HPGDS: variants seen among roughly 807,000 people sequenced by gnomAD.
The protein encoded by HPGDS is hematopoietic prostaglandin D synthase.
A neutral mutation model predicts 23.1 loss-of-function variants in HPGDS; 26 were observed. The observed-to-expected ratio is 1.13, with a 90% CI of 0.83 to 1.56. HPGDS has a LOEUF of 1.56. HPGDS is among the 40% of genes most tolerant of loss of function. HPGDS has a pLI of 0.00. For missense variants in HPGDS, 268 were observed against 236.4 expected (o/e 1.13, Z -0.88); for synonymous variants, 95 against 77.9 (o/e 1.22, Z -1.16).
At chr4:94,306,589 T>C (rs1756142854) in intron 4 of HPGDS, among the ~76,000 whole-genome samples, 1 of 151,994 alleles carries the variant, frequency 6.6e-6, no homozygotes, top group African/African-American at 2.4e-5. Context: ...GGGGATAAAA[T>C]GAGGATTGGT....
At chr4:94,324,431 A>G (rs576896782) in intron 2 of HPGDS, among the ~76,000 whole-genome samples, 3 of 152,084 alleles carry the variant, frequency 2.0e-5, no homozygotes, top group Admixed American at 1.3e-4. Flanking sequence ...ACATAGTCGC[A>G]TGTTTCTTGG....
intron 2 of HPGDS, among the ~76,000 whole-genome samples, chr4:94,322,720 G>T (rs577892510): frequency 1.3e-5 from 2 of 151,936 alleles, no homozygotes; most frequent in Non-Finnish European, 2.9e-5. Flanking sequence ...TAAGCTCCTG[G>T]GTTCGCTGAT....
intron 2 of HPGDS, among the ~76,000 whole-genome samples, chr4:94,320,369 G>T (rs1756478534): frequency 6.6e-6 from 1 of 152,074 alleles, no homozygotes; most frequent in African/African-American, 2.4e-5. Context: ...CTAGTTTACA[G>T]TCCCACCAAC....
chr4:94,325,978 GT>G (rs111331217), intron 2 of HPGDS, among the ~76,000 whole-genome samples: 3,925 of 141,830 alleles, frequency 0.028, 126 homozygotes, highest in Middle Eastern at 0.077. Context: ...TGGCTGACAG[GT>G]TTTTTTTTTT....
intron 3 of HPGDS, among the ~76,000 whole-genome samples, chr4:94,313,036 C>T (rs1003992378): frequency 5.9e-5 from 9 of 152,070 alleles, no homozygotes; most frequent in Non-Finnish European, 1.0e-4. Context: ...TGTGTCTCTG[C>T]ACGTGAGATG....
chr4:94,334,530 T>C lies in HPGDS; in HGVS notation c.100A>G (p.Ile34Val). 1 of 1,611,436 alleles carries C rather than the reference T, an allele frequency of 6.2e-7. No homozygotes were observed. The change falls in exon 2 of 6, where the codon ATA becomes GTA. Residue 34 changes from isoleucine (I) to valine (V), a missense_variant. By Grantham distance (29) the Ile-to-Val change is conservative (BLOSUM62 3). Coordinates refer to ENST00000295256, the MANE Select transcript of HPGDS (RefSeq NM_014485.3). ...ATTTCAGGCCAGTCAGCTTGTTCTA[T>C]TCTGTGGTCTTCATACTGTATGTCC... ...YLDIQYEDHR[I>V]EQADWPEIKS...
At chr4:94,322,847 G>T (rs1023276930) in intron 2 of HPGDS, among the ~76,000 whole-genome samples, 2 of 152,030 alleles carry the variant, frequency 1.3e-5, no homozygotes, top group African/African-American at 4.8e-5. Context: ...TCTCTTAATT[G>T]GGATGTTAGG....
At chr4:94,341,882 T>C (rs577798277) in intron 1 of HPGDS, among the ~76,000 whole-genome samples, 1 of 152,340 alleles carries the variant, frequency 6.6e-6, no homozygotes, top group East Asian at 1.9e-4. Flanking sequence ...GAGATACTAT[T>C]GTTCACAGGG....
chr4:94,311,735 C>A (rs916416465), intron 3 of HPGDS, among the ~76,000 whole-genome samples: 4 of 151,402 alleles, frequency 2.6e-5, no homozygotes, highest in Non-Finnish European at 4.4e-5. Context: ...CCTTGTATCT[C>A]TGGTAGAATT....
At chr4:94,333,018 A>G (rs1446769789) in intron 2 of HPGDS, among the ~76,000 whole-genome samples, 4 of 152,224 alleles carry the variant, frequency 2.6e-5, no homozygotes, top group East Asian at 1.9e-4. Context: ...ATGTAAACTC[A>G]TATGTGCAAT....
chr4:94,324,335 G>T (rs371312762), intron 2 of HPGDS, among the ~76,000 whole-genome samples: 1 of 151,848 alleles, frequency 6.6e-6, no homozygotes, highest in African/African-American at 2.4e-5. Context: ...AGTTCTCCTG[G>T]ATAATATACT....
chr4:94,309,050 CTTTTTTTTTTTTTTT>C (rs34427506), intron 3 of HPGDS, among the ~76,000 whole-genome samples: 1 of 31,014 alleles, frequency 3.2e-5, no homozygotes, highest in East Asian at 1.1e-3. Context: ...GGTGTACTTG[CTTTTTTTTTTTTTTT>C]TTTTTTTTTT....
chr4:94,314,001 G>C (rs1035913030), intron 3 of HPGDS, among the ~76,000 whole-genome samples: 7 of 152,114 alleles, frequency 4.6e-5, no homozygotes, highest in Admixed American at 3.9e-4. Flanking sequence ...GGTCCTTTAA[G>C]GACTTCTCTG....
intron 3 of HPGDS, among the ~76,000 whole-genome samples, chr4:94,315,633 A>G (rs1756381546): frequency 6.6e-6 from 1 of 152,192 alleles, no homozygotes; most frequent in African/African-American, 2.4e-5. Flanking sequence ...GTATAAATTT[A>G]TTAAAAATTA....
At chr4:94,306,285 C>G (rs570137682) in intron 4 of HPGDS, among the ~76,000 whole-genome samples, 62 of 151,992 alleles carry the variant, frequency 4.1e-4, no homozygotes, top group Non-Finnish European at 8.1e-4. Flanking sequence ...CCACTAGAAG[C>G]TGTAATAAAG....
At chr4:94,311,945 T>C (rs1396324646) in intron 3 of HPGDS, among the ~76,000 whole-genome samples, 1 of 152,026 alleles carries the variant, frequency 6.6e-6, no homozygotes, top group African/African-American at 2.4e-5. Flanking sequence ...TATAGTATTC[T>C]CTGATGGTAG....
intron 2 of HPGDS, among the ~76,000 whole-genome samples, chr4:94,321,880 G>C (rs1216577866): frequency 6.6e-6 from 1 of 152,176 alleles, no homozygotes; most frequent in Admixed American, 6.5e-5. Context: ...TGCCCATTCA[G>C]TATGATATTG....
At chr4:94,331,390 CTTCT>C (rs1231214363) in intron 2 of HPGDS, among the ~76,000 whole-genome samples, 3 of 151,148 alleles carry the variant, frequency 2.0e-5, no homozygotes, top group African/African-American at 7.3e-5. Context: ...TTTTTTTCTG[CTTCT>C]TTGTTTAGGT....
intron 3 of HPGDS, among the ~76,000 whole-genome samples, chr4:94,317,151 G>A (rs2126039956): frequency 6.6e-6 from 1 of 152,202 alleles, no homozygotes; most frequent in Non-Finnish European, 1.5e-5. Flanking sequence ...AATGGTGGTG[G>A]GGAGATAGGT....
Sources: gnomAD v4.1 joint callset for allele counts (sites outside exome capture counted in the v4.1 genomes callset) on GRCh38, gnomAD v4.1.1 for gene constraint, MANE v1.5 for transcripts, NCBI Gene and HGNC (gene_info 2026-07-23, HGNC 2026-07-21) for gene names.